MPP2: variants seen among roughly 807,000 people sequenced by gnomAD.
MPP2 encodes MAGUK p55 subfamily member 2.
MPP2 carries 42 observed loss-of-function variants against 58.5 expected under a neutral mutation model. The ratio of observed to expected loss-of-function variants is 0.72; its 90% confidence interval spans 0.56 to 0.93. The LOEUF is 0.93. Among genes scored for constraint, MPP2 ranks in the 40% least tolerant of loss-of-function variants. MPP2 has a pLI of 0.00. For missense variants in MPP2, 632 were observed against 760.4 expected, an observed-to-expected ratio of 0.83 and a Z score of 1.99; for synonymous variants, 300 against 307.8, an observed-to-expected ratio of 0.97 and a Z score of 0.26.
chr17:43,904,631 CAAT>C (rs990695612), intron 1 of MPP2, 138 bp from the exon 2 acceptor site: 66 of 646,174 alleles, frequency 1.0e-4, no homozygotes, highest in African/African-American at 1.0e-3. Context: ...TGGAGAACAA[CAAT>C]GATTCCAACG....
At chr17:43,884,409 A>T (rs951130135) in intron 3 of MPP2, among the ~76,000 whole-genome samples, 2 of 152,176 alleles carry the variant, frequency 1.3e-5, no homozygotes, top group African/African-American at 4.8e-5. Flanking sequence ...TTGTAGGGAC[A>T]GGGTCTCACT....
chr17:43,884,412 G>T lies in MPP2; in HGVS notation c.151-1057C>A, dbSNP rs73985805. On this transcript the variant is annotated intron_variant, in intron 3 of 12. Transcript: ENST00000269095. ...TCTGTTTTTGTTTTGTAGGGACAGG[G>T]TCTCACTACGTTGCCTAGGCTAGTC... Among the ~76,000 whole-genome samples the T allele has an allele frequency of 1.4e-3, 210 of 152,218 alleles. 1 individual carries two copies. The highest frequency in any genetic ancestry group is 4.9e-3 in the African/African-American group (204 of 41,530).
Position 43,907,499 on chromosome 17 carries a change from C to T in MPP2, c.-59G>A, listed in dbSNP as rs886502967. 11 of 985,384 alleles carry T rather than the reference C, an allele frequency of 1.1e-5. No individual in the cohort carries two copies. The highest frequency in any genetic ancestry group is 7.0e-5 in the African/African-American group (4 of 57,254). 61.0% of individuals were successfully genotyped at this position (985,384 alleles called of 1,614,324 possible). Reference sequence around the variant, plus strand: ...CTGCGCCCCGGGAAGCCCCTAGCTCCGGGCGGCTCCAGCGCAGCCGGGCGC... The same window carrying T: ...CTGCGCCCCGGGAAGCCCCTAGCTCTGGGCGGCTCCAGCGCAGCCGGGCGC... On this transcript the variant is annotated 5_prime_UTR_variant, in exon 1 of 13. Coordinates refer to ENST00000269095, the MANE Select transcript of MPP2 (RefSeq NM_005374.5).
chr17:43,909,066 T>C (rs1273141640), upstream of MPP2, among the ~76,000 whole-genome samples: 1 of 152,128 alleles, frequency 6.6e-6, no homozygotes, highest in East Asian at 1.9e-4. Flanking sequence ...TTCTTCTTCT[T>C]TTTTATTTTT....
At chr17:43,900,421 T>TA in intron 2 of MPP2, 1 of 1,537,568 alleles carries the variant, frequency 6.5e-7, no homozygotes, top group Non-Finnish European at 8.8e-7. Context: ...TGGAGGAAGG[T>TA]AGGCTAAGGG....
intron 2 of MPP2, chr17:43,901,492 T>C (rs1405885099): frequency 1.0e-6 from 1 of 985,346 alleles, no homozygotes; most frequent in Non-Finnish European, 1.2e-6. Flanking sequence ...TCTGAGATCT[T>C]GTGCCCAAGA....
chr17:43,887,464 GT>G (rs919188378), intron 3 of MPP2, among the ~76,000 whole-genome samples: 33 of 146,324 alleles, frequency 2.3e-4, no homozygotes, highest in Admixed American at 6.2e-4. Flanking sequence ...TTGTTTTTTT[GT>G]TTTTTTTTTA....
At chr17:43,885,490 T>G (rs2047328078) in intron 3 of MPP2, among the ~76,000 whole-genome samples, 1 of 152,238 alleles carries the variant, frequency 6.6e-6, no homozygotes, top group Non-Finnish European at 1.5e-5. Flanking sequence ...CCATTGTTTC[T>G]GGGCATCATT....
Position 43,882,286 on chromosome 17 carries a change from G to C in MPP2, c.679C>G (p.Gln227Glu). The C allele has an allele frequency of 1.2e-6, 2 of 1,609,350 alleles. No homozygotes were observed. The highest frequency in any genetic ancestry group is 1.7e-6 in the Non-Finnish European group (2 of 1,179,052). ...CTTGTGCTGGGTGAGGGGCCCACCT[G>C]GCGGGGCAGATGGGGCTCCTGGTAG... is the stretch of plus-strand genomic sequence containing the variant. ...PSYQEPHLPR[Q>E]VFVKCHFDYD... is the part of the protein sequence containing the mutation. Residue 227 changes from glutamine (Q) to glutamate (E), a missense_variant and splice_region_variant, in exon 6 of 13, where the codon CAG becomes GAG. By Grantham distance (29) the Gln-to-Glu change is conservative. Transcript: ENST00000269095.
chr17:43,899,353 G>A (rs1002423573), intron 2 of MPP2, among the ~76,000 whole-genome samples: 32 of 151,098 alleles, frequency 2.1e-4, no homozygotes, highest in African/African-American at 6.1e-4. Flanking sequence ...GCTCAAGGAT[G>A]AGACAGACAG....
At chr17:43,909,162 G>A (rs1184965941), upstream of MPP2, among the ~76,000 whole-genome samples, 2 of 152,054 alleles carry the variant, frequency 1.3e-5, no homozygotes, top group African/African-American at 4.8e-5. Context: ...TGCCTCCCGG[G>A]TTCAAGCAAT....
intron 2 of MPP2, chr17:43,900,732 C>G: frequency 8.4e-7 from 1 of 1,188,160 alleles, no homozygotes; most frequent in Non-Finnish European, 1.1e-6. Context: ...CCCTGACTGG[C>G]GCTGCGCGGT....
At position 43,877,364 on chromosome 17, in the gene MPP2, C is replaced by A. The variant is rs2046891210; in HGVS notation, c.*443G>T. The A allele has an allele frequency of 6.4e-6, 1 of 156,716 alleles. No homozygotes were observed. Among genetic ancestry groups the A allele is most frequent in the South Asian group, 2.0e-4 (1 of 5,046 alleles). 9.7% of individuals were successfully genotyped at this position (156,716 alleles called of 1,614,324 possible). On this transcript the variant is annotated 3_prime_UTR_variant, in exon 13 of 13. Coordinates refer to ENST00000269095, the MANE Select transcript of MPP2 (RefSeq NM_005374.5). ...AACAGCCCAAGGCCTGTTCCTCCGA[C>A]ACAGGGGTGAGAGGTGGGAGGAGTC...
At chr17:43,885,463 A>T (rs1013736044) in intron 3 of MPP2, among the ~76,000 whole-genome samples, 14 of 152,148 alleles carry the variant, frequency 9.2e-5, no homozygotes, top group African/African-American at 3.4e-4. Flanking sequence ...AGAAACCAAG[A>T]TGTGGACACT....
chr17:43,907,139 G>T (rs1284848840), intron 1 of MPP2: 3 of 977,542 alleles, frequency 3.1e-6, no homozygotes, highest in Non-Finnish European at 3.6e-6. Flanking sequence ...GTAATGCCGG[G>T]CTTCTAAGTA....
In MPP2 at chr17:43,879,999, G is replaced by T. The variant is rs1478988697; in HGVS notation, c.1151-15C>A. On this transcript the variant is annotated splice_polypyrimidine_tract_variant and intron_variant, in intron 10 of 12. Transcript: ENST00000269095. The surrounding 1 kb of genome is among the most constrained non-coding windows in gnomAD (Gnocchi z 4.1). ...CCGGGAGGTGTCTAGGGGGATGGGG[G>T]TAGGTTGGACCAAATGGGCAGGGGC... 1 of 1,613,716 alleles carries T rather than the reference G, an allele frequency of 6.2e-7. No homozygotes were observed. The highest frequency in any genetic ancestry group is 8.5e-7 in the Non-Finnish European group (1 of 1,179,780).
chr17:43,902,470 A>G (rs1253762295), intron 2 of MPP2, among the ~76,000 whole-genome samples: 1 of 152,224 alleles, frequency 6.6e-6, no homozygotes, highest in Non-Finnish European at 1.5e-5. Context: ...AGTGGGGCCT[A>G]GGCAGGCTGA....
intron 6 of MPP2, among the ~76,000 whole-genome samples, 164 bp from the exon 7 acceptor site, chr17:43,881,753 C>A (rs2047134973): frequency 6.6e-6 from 1 of 152,144 alleles, no homozygotes; most frequent in African/African-American, 2.4e-5. Context: ...CTGGTGCCAA[C>A]CTCCCTTTGC....
intron 3 of MPP2, among the ~76,000 whole-genome samples, chr17:43,884,784 A>G (rs1269342149): frequency 1.1e-5 from 1 of 91,092 alleles, no homozygotes; most frequent in Non-Finnish European, 2.1e-5. Flanking sequence ...TGATTACCTA[A>G]TTCCCATCAT....
Sources: gnomAD v4.1 joint callset for allele counts (sites outside exome capture counted in the v4.1 genomes callset) on GRCh38, gnomAD v4.1.1 for gene constraint, Gnocchi (gnomAD v3.1) non-coding constraint, MANE v1.5 for transcripts, NCBI Gene and HGNC (gene_info 2026-07-23, HGNC 2026-07-21) for gene names.